Variants in COL15A1 observed in about 807,000 individuals in gnomAD.
The protein encoded by COL15A1 is collagen alpha-1(XV) chain.
Under a neutral mutation model 165.9 loss-of-function variants are expected in COL15A1, and 111 were observed. That is an observed-to-expected ratio of 0.67 (90% confidence interval 0.57 to 0.78). The LOEUF (loss-of-function observed/expected upper bound fraction) is 0.78. Ranked by LOEUF, COL15A1 falls within the 30% of genes least tolerant of loss-of-function variation. The probability of loss-of-function intolerance (pLI) is 0.00; values close to 1 mark genes in which losing one functional copy is unlikely to be tolerated. For missense variants in COL15A1, 1,745 were observed against 1,789.7 expected, an observed-to-expected ratio of 0.98 and a Z score of 0.45; for synonymous variants, 659 against 674.8, an observed-to-expected ratio of 0.98 and a Z score of 0.36.
chr9:99,051,280 C>G (rs533179967), intron 30 of COL15A1, among the ~76,000 whole-genome samples: 3 of 152,270 alleles, frequency 2.0e-5, no homozygotes, highest in Non-Finnish European at 2.9e-5. Context: ...ATGACCTGCA[C>G]CAGGACCTCT....
At chr9:98,964,735 G>T (rs962809136) in intron 2 of COL15A1, among the ~76,000 whole-genome samples, 1 of 152,122 alleles carries the variant, frequency 6.6e-6, no homozygotes, top group South Asian at 2.1e-4. Context: ...TCTTACAGTG[G>T]GGGGAATACA....
intron 16 of COL15A1, among the ~76,000 whole-genome samples, chr9:99,032,068 A>G (rs1008170282): frequency 3.3e-5 from 5 of 151,430 alleles, no homozygotes; most frequent in Non-Finnish European, 7.4e-5. Context: ...TCTGGTTCTC[A>G]CTCTATTGGA....
At chr9:98,974,884 C>G (rs954004612) in intron 2 of COL15A1, among the ~76,000 whole-genome samples, 8 of 152,174 alleles carry the variant, frequency 5.3e-5, no homozygotes, top group African/African-American at 1.9e-4. Flanking sequence ...TCCCAGCACT[C>G]GGTGCAGAGA....
chr9:99,005,252 T>C (rs572067886), intron 9 of COL15A1, among the ~76,000 whole-genome samples: 1 of 152,152 alleles, frequency 6.6e-6, no homozygotes, highest in Non-Finnish European at 1.5e-5. Context: ...AGCTGGGCCC[T>C]GGGGATGGGT....
rs761886904 is a variant in COL15A1, at chr9:99,062,083, G to A, written c.3515G>A (p.Gly1172Asp). 6 of 1,613,796 alleles carry A rather than the reference G, an allele frequency of 3.7e-6. No individual in the cohort carries two copies. In the East Asian group the frequency reaches 1.3e-4, roughly 36 times the overall value. The change falls in exon 37 of 42, where the codon GGC (glycine) becomes GAC (aspartate). Residue 1172 changes from glycine to aspartate, a missense_variant. Physicochemically the swap from Gly to Asp is moderately conservative, Grantham distance 94. Transcript: ENST00000375001. ...GAGTTTTTCATTCGTGTTAGAGATG[G>A]CTGGAAAAAATTACAGGTAATTTCT... The part of the protein sequence containing the change: ...STEFFIRVRD[G>D]WKKLQLGELI...
At chr9:99,040,600 C>A (rs373142517) in intron 23 of COL15A1, 44 bp downstream of exon 23, 1 of 1,614,132 alleles carries the variant, frequency 6.2e-7, no homozygotes, top group Non-Finnish European at 8.5e-7. Context: ...CCCGTGGCTG[C>A]GATCATTCTG....
At chr9:98,988,306 G>C (rs553343993) in intron 4 of COL15A1, among the ~76,000 whole-genome samples, 2 of 152,214 alleles carry the variant, frequency 1.3e-5, no homozygotes, top group Admixed American at 6.5e-5. Flanking sequence ...ATGTGATGCT[G>C]ATCAGTGTAG....
chr9:98,997,814 C>T (rs1444443997), intron 6 of COL15A1: 1 of 152,292 alleles, frequency 6.6e-6, no homozygotes, highest in Admixed American at 6.5e-5. Context: ...GGCATATGCC[C>T]AAGCCCTGAG....
chr9:99,067,181 C>A, intron 40 of COL15A1, 114 bp downstream of exon 40: 2 of 881,122 alleles, frequency 2.3e-6, no homozygotes, highest in Non-Finnish European at 3.4e-6. Flanking sequence ...CCTGCTCTCT[C>A]CCTTACTGGC....
At chr9:99,037,160 A>G (rs1666699194) in intron 21 of COL15A1, among the ~76,000 whole-genome samples, 1 of 152,206 alleles carries the variant, frequency 6.6e-6, no homozygotes. Context: ...ACTCTCCTCA[A>G]CAAGGAAGGC....
At position 98,987,275 on chromosome 9, in the gene COL15A1, A is replaced by T; in HGVS notation, c.649-19A>T. On this transcript the variant is annotated intron_variant, in intron 3 of 41. Transcript: ENST00000375001. ...GTGTACGTGCAAACCGTGGCTTCTG[A>T]TCCGTCTCTTTTCCCCAGGGCTCCC... 2.5e-6 allele frequency: 4 copies of T among 1,611,502 alleles called. No individual in the cohort carries two copies. Among genetic ancestry groups the T allele is most frequent in the Non-Finnish European group, 3.4e-6 (4 of 1,178,934 alleles).
intron 17 of COL15A1, 87 bp from the exon 18 acceptor site, chr9:99,034,927 G>A (rs1172978890): frequency 1.7e-6 from 2 of 1,164,458 alleles, no homozygotes; most frequent in African/African-American, 1.5e-5. Context: ...TTAACTTCAA[G>A]GAGTGATTTT....
At chr9:98,971,362 C>T (rs1395254619) in intron 2 of COL15A1, among the ~76,000 whole-genome samples, 3 of 152,218 alleles carry the variant, frequency 2.0e-5, no homozygotes, top group African/African-American at 2.4e-5. Flanking sequence ...AGCTGCCTGC[C>T]GGGTGGGGGT....
intron 39 of COL15A1, among the ~76,000 whole-genome samples, chr9:99,066,357 A>G (rs1178385322): frequency 6.6e-6 from 1 of 152,202 alleles, no homozygotes; most frequent in African/African-American, 2.4e-5. Context: ...TCTTAGTCAT[A>G]GGTGCCATAC....
intron 30 of COL15A1, 130 bp downstream of exon 30, chr9:99,050,025 T>G: frequency 7.8e-7 from 1 of 1,288,090 alleles, no homozygotes; most frequent in Non-Finnish European, 1.1e-6. Flanking sequence ...CCCCTAAGTG[T>G]AGACCCTCAA....
intron 16 of COL15A1, among the ~76,000 whole-genome samples, chr9:99,030,153 A>C (rs1003340871): frequency 1.3e-5 from 2 of 152,218 alleles, no homozygotes; most frequent in African/African-American, 4.8e-5. Flanking sequence ...TCACCACAGT[A>C]AGCCAACATT....
intron 24 of COL15A1, 138 bp from the exon 25 acceptor site, chr9:99,044,430 A>T: frequency 1.3e-6 from 1 of 745,830 alleles, no homozygotes; most frequent in Non-Finnish European, 2.3e-6. Flanking sequence ...AGTAGGATGA[A>T]GGCAAGAGAA....
chr9:99,029,112 G>A (rs970488532), intron 16 of COL15A1, among the ~76,000 whole-genome samples: 3 of 152,228 alleles, frequency 2.0e-5, no homozygotes, highest in Non-Finnish European at 4.4e-5. Context: ...TTGCACTGCA[G>A]ATTCTGCCAT....
intron 16 of COL15A1, among the ~76,000 whole-genome samples, chr9:99,029,753 A>G (rs908849780): frequency 6.6e-6 from 1 of 152,046 alleles, no homozygotes; most frequent in African/African-American, 2.4e-5. Context: ...GCGAAACCCC[A>G]TCTCTACTAA....
Sources: gnomAD v4.1 joint callset for allele counts (sites outside exome capture counted in the v4.1 genomes callset) on GRCh38, gnomAD v4.1.1 for gene constraint, MANE v1.5 for transcripts, NCBI Gene and HGNC (gene_info 2026-07-23, HGNC 2026-07-21) for gene names.